The following SCHIP1 variants were observed in gnomAD, a reference collection of about 807,000 sequenced individuals.
SCHIP1 encodes the protein schwannomin-interacting protein 1.
SCHIP1 carries 8 observed loss-of-function variants against 29.7 expected under a neutral mutation model. The ratio of observed to expected loss-of-function variants is 0.27; its 90% CI spans 0.16 to 0.49. The LOEUF (loss-of-function observed/expected upper bound fraction) is 0.49. SCHIP1 is among the 20% of genes least tolerant of loss of function. SCHIP1 has a pLI of 0.99. For synonymous variants in SCHIP1, 76 were observed against 94.9 expected (o/e 0.80, Z 1.16); for missense variants, 193 against 294.6 (o/e 0.66, Z 2.52).
chr3:159,865,267 C>T (rs1714495799), intron 1 of SCHIP1, among the ~76,000 whole-genome samples: 4 of 152,148 alleles, frequency 2.6e-5, no homozygotes, highest in African/African-American at 9.7e-5. Flanking sequence ...ATTTTTGACT[C>T]ATGTTGTTTG....
intron 2 of SCHIP1, among the ~76,000 whole-genome samples, chr3:159,876,736 G>A (rs1319118033): frequency 2.6e-5 from 4 of 152,240 alleles, no homozygotes; most frequent in Admixed American, 6.5e-5. Flanking sequence ...TATGTTTCTT[G>A]TGCACAAAAA....
chr3:159,675,506 T>C, the SCHIP1 span, among the ~76,000 whole-genome samples: 1 of 152,200 alleles, frequency 6.6e-6, no homozygotes, highest in African/African-American at 2.4e-5. Context: ...AAGAACACAA[T>C]GTGCATCACT....
At chr3:159,837,472 C>T (rs556998477), upstream of SCHIP1, among the ~76,000 whole-genome samples, 1 of 152,282 alleles carries the variant, frequency 6.6e-6, no homozygotes, top group South Asian at 2.1e-4. Context: ...CCTGTAATCC[C>T]AACACTTTGG....
At chr3:159,688,696 G>T in the SCHIP1 span, among the ~76,000 whole-genome samples, 1 of 152,168 alleles carries the variant, frequency 6.6e-6, no homozygotes, top group African/African-American at 2.4e-5. Context: ...GAATGGTATT[G>T]TCTAGGTTTT....
At chr3:159,589,940 TGA>T in the SCHIP1 span, among the ~76,000 whole-genome samples, 2 of 152,088 alleles carry the variant, frequency 1.3e-5, no homozygotes, top group African/African-American at 4.8e-5. Flanking sequence ...TATGAGCAAG[TGA>T]GAGAGTAGGG....
At chr3:159,631,363 C>G in the SCHIP1 span, among the ~76,000 whole-genome samples, 2 of 152,192 alleles carry the variant, frequency 1.3e-5, no homozygotes, top group African/African-American at 4.8e-5. Context: ...GAATTTAAAA[C>G]AGGAACTCTA....
the SCHIP1 span, among the ~76,000 whole-genome samples, chr3:159,453,285 C>T: frequency 1.3e-5 from 2 of 152,338 alleles, no homozygotes; most frequent in East Asian, 3.9e-4. Context: ...GTTTTCTCAT[C>T]TGAAAACTGC....
At chr3:159,722,144 A>T in the SCHIP1 span, 1,654 of 270,892 alleles carry the variant, frequency 6.1e-3, 22 homozygotes, top group Admixed American at 0.027. Flanking sequence ...TTCTTTAGGA[A>T]ACTATGGTGG....
the SCHIP1 span, among the ~76,000 whole-genome samples, chr3:159,349,728 A>C: frequency 1.3e-5 from 2 of 152,316 alleles, no homozygotes; most frequent in East Asian, 3.9e-4. Flanking sequence ...CCTGGATGGT[A>C]TCTCGGTTCA....
chr3:159,518,156 G>C, the SCHIP1 span, among the ~76,000 whole-genome samples: 1 of 152,070 alleles, frequency 6.6e-6, no homozygotes, highest in African/African-American at 2.4e-5. Context: ...TAAAGGTTGA[G>C]ACTATTTGTC....
chr3:159,791,530 C>T, the SCHIP1 span, among the ~76,000 whole-genome samples: 1 of 152,212 alleles, frequency 6.6e-6, no homozygotes, highest in Non-Finnish European at 1.5e-5. Context: ...AGCAGGGGTG[C>T]CCAAGGGCCA....
the SCHIP1 span, among the ~76,000 whole-genome samples, chr3:159,766,239 G>T: frequency 6.6e-6 from 1 of 152,132 alleles, no homozygotes; most frequent in Non-Finnish European, 1.5e-5. Context: ...GGACCCCGGG[G>T]CTCCTGAAAA....
At chr3:159,355,543 G>GA in the SCHIP1 span, among the ~76,000 whole-genome samples, 1 of 152,176 alleles carries the variant, frequency 6.6e-6, no homozygotes, top group Admixed American at 6.5e-5. Context: ...TCAGATGCAT[G>GA]AAATAGAAAC....
the SCHIP1 span, among the ~76,000 whole-genome samples, chr3:159,746,380 C>T: frequency 6.6e-6 from 1 of 152,070 alleles, no homozygotes; most frequent in East Asian, 1.9e-4. Context: ...TGATGTGTGG[C>T]TTATCTAGTG....
At chr3:159,744,583 AGTTGAAAG>A in the SCHIP1 span, among the ~76,000 whole-genome samples, 1 of 152,138 alleles carries the variant, frequency 6.6e-6, no homozygotes, top group Non-Finnish European at 1.5e-5. Flanking sequence ...TCCTGTCCAA[AGTTGAAAG>A]GTTAAAAATG....
chr3:159,702,077 G>A, the SCHIP1 span, among the ~76,000 whole-genome samples: 1 of 152,184 alleles, frequency 6.6e-6, no homozygotes, highest in Admixed American at 6.5e-5. Flanking sequence ...TTTCCTGAAA[G>A]TTCTAACTGG....
At chr3:159,422,346 A>C in the SCHIP1 span, among the ~76,000 whole-genome samples, 1 of 152,246 alleles carries the variant, frequency 6.6e-6, no homozygotes, top group Admixed American at 6.5e-5. Flanking sequence ...AAATATATCT[A>C]GCAAATGCTT....
the SCHIP1 span, among the ~76,000 whole-genome samples, chr3:159,552,278 C>T: frequency 6.6e-6 from 1 of 151,820 alleles, no homozygotes; most frequent in Admixed American, 6.6e-5. Context: ...ACTCCCAACC[C>T]CAGGTGATCC....
At chr3:159,802,345 T>C in the SCHIP1 span, among the ~76,000 whole-genome samples, 1 of 152,238 alleles carries the variant, frequency 6.6e-6, no homozygotes, top group Non-Finnish European at 1.5e-5. Flanking sequence ...CTGGAGTGCA[T>C]TGTATCTAAT....
Sources: allele counts gnomAD v4.1 joint callset (sites outside exome capture counted in the v4.1 genomes callset), GRCh38; gene constraint gnomAD v4.1.1; transcripts MANE v1.5; gene names NCBI Gene and HGNC (gene_info 2026-07-23, HGNC 2026-07-21).